The following HEMK2 variants were observed in gnomAD, a reference collection of about 807,000 sequenced individuals.
HEMK2 encodes the protein methyltransferase HEMK2.
the HEMK2 span, among the ~76,000 whole-genome samples, chr21:28,633,268 T>C: frequency 2.0e-5 from 3 of 152,176 alleles, no homozygotes; most frequent in South Asian, 2.1e-4. Context: ...CTAGTGTGCA[T>C]AGTCACAAAG....
the HEMK2 span, among the ~76,000 whole-genome samples, chr21:28,700,106 C>T: frequency 3.3e-5 from 5 of 152,172 alleles, no homozygotes; most frequent in African/African-American, 1.2e-4. Flanking sequence ...GAAATGCATC[C>T]CCAGGGTGTC....
At chr21:28,800,479 T>C in the HEMK2 span, among the ~76,000 whole-genome samples, 1 of 152,188 alleles carries the variant, frequency 6.6e-6, no homozygotes, top group Non-Finnish European at 1.5e-5. Flanking sequence ...CCCATTATAT[T>C]AAAAGTGTAA....
chr21:28,628,264 A>G, the HEMK2 span, among the ~76,000 whole-genome samples: 3 of 152,250 alleles, frequency 2.0e-5, no homozygotes, highest in Non-Finnish European at 4.4e-5. Flanking sequence ...TGCTAACTTA[A>G]TAGTATTGAT....
the HEMK2 span, among the ~76,000 whole-genome samples, chr21:28,696,330 A>G: frequency 6.6e-6 from 1 of 152,226 alleles, no homozygotes; most frequent in Non-Finnish European, 1.5e-5. Flanking sequence ...AAATGAAAGA[A>G]GTTGGCCAAA....
the HEMK2 span, among the ~76,000 whole-genome samples, chr21:28,786,667 CAAA>C: frequency 2.2e-4 from 20 of 92,022 alleles, no homozygotes; most frequent in Admixed American, 3.7e-4. Context: ...GTGAGACTGT[CAAA>C]AAAAAAAAAA....
the HEMK2 span, among the ~76,000 whole-genome samples, chr21:28,576,103 A>T: frequency 6.6e-6 from 1 of 152,214 alleles, no homozygotes; most frequent in Non-Finnish European, 1.5e-5. Flanking sequence ...TAATATAAGT[A>T]CGTAGGAAAA....
the HEMK2 span, among the ~76,000 whole-genome samples, chr21:28,804,838 T>C: frequency 6.6e-6 from 1 of 152,224 alleles, no homozygotes; most frequent in Non-Finnish European, 1.5e-5. Flanking sequence ...AAAAGCAGCA[T>C]TCATTGAGTG....
the HEMK2 span, among the ~76,000 whole-genome samples, chr21:28,838,451 A>G: frequency 5.9e-5 from 9 of 151,724 alleles, no homozygotes; most frequent in South Asian, 1.9e-3. Context: ...GGAGAATGGC[A>G]TGAACCCAGG....
the HEMK2 span, among the ~76,000 whole-genome samples, chr21:28,730,006 C>T: frequency 1.3e-5 from 2 of 152,134 alleles, no homozygotes; most frequent in Non-Finnish European, 2.9e-5. Flanking sequence ...AGACTGAACA[C>T]GAGATTAGCC....
chr21:28,832,657 C>T, the HEMK2 span, among the ~76,000 whole-genome samples: 1 of 152,190 alleles, frequency 6.6e-6, no homozygotes, highest in Non-Finnish European at 1.5e-5. Flanking sequence ...ACCATTAACT[C>T]TCCCATTCTC....
chr21:28,576,252 G>A, the HEMK2 span, among the ~76,000 whole-genome samples: 7 of 152,146 alleles, frequency 4.6e-5, no homozygotes, highest in African/African-American at 1.2e-4. Context: ...CAACAGTACT[G>A]TCAGCCCTTT....
chr21:28,865,887 G>C, the HEMK2 span, among the ~76,000 whole-genome samples: 685 of 152,014 alleles, frequency 4.5e-3, 3 homozygotes, highest in African/African-American at 0.015. Flanking sequence ...ACTGTTTCAG[G>C]CTTCCAAAAT....
At chr21:28,765,554 T>A in the HEMK2 span, among the ~76,000 whole-genome samples, 8 of 152,160 alleles carry the variant, frequency 5.3e-5, no homozygotes, top group Non-Finnish European at 1.0e-4. Flanking sequence ...TTTAAACCAA[T>A]AAACCATGTG....
the HEMK2 span, among the ~76,000 whole-genome samples, chr21:28,818,091 T>C: frequency 1.3e-5 from 2 of 151,856 alleles, no homozygotes; most frequent in Non-Finnish European, 2.9e-5. Flanking sequence ...TTTGAGTCAG[T>C]AGACTTGGGA....
the HEMK2 span, among the ~76,000 whole-genome samples, chr21:28,784,079 G>A: frequency 3.3e-5 from 5 of 152,140 alleles, no homozygotes; most frequent in Admixed American, 6.5e-5. Context: ...CCTCCCCGAC[G>A]AGCGCCATCC....
At chr21:28,705,444 T>C in the HEMK2 span, among the ~76,000 whole-genome samples, 8 of 150,120 alleles carry the variant, frequency 5.3e-5, no homozygotes, top group African/African-American at 2.0e-4. Context: ...TAGGTTCCCA[T>C]GTGTTCCTCA....
At chr21:28,666,621 A>G in the HEMK2 span, among the ~76,000 whole-genome samples, 1 of 152,192 alleles carries the variant, frequency 6.6e-6, no homozygotes, top group Non-Finnish European at 1.5e-5. Flanking sequence ...CCACTTAATC[A>G]TTAATAACAG....
At chr21:28,885,238 C>A in the HEMK2 span, 3 of 1,586,492 alleles carry the variant, frequency 1.9e-6, no homozygotes, top group Non-Finnish European at 2.6e-6. Flanking sequence ...CCGCTGCCTC[C>A]AGCGCGTCCA....
chr21:28,721,137 A>G, the HEMK2 span, among the ~76,000 whole-genome samples: 1 of 152,150 alleles, frequency 6.6e-6, no homozygotes, highest in Non-Finnish European at 1.5e-5. Flanking sequence ...ATTTTTTGAG[A>G]CAGGATTTTG....
Sources: allele counts gnomAD v4.1 joint callset (sites outside exome capture counted in the v4.1 genomes callset), GRCh38; gene constraint gnomAD v4.1.1; transcripts MANE v1.5; gene names NCBI Gene and HGNC (gene_info 2026-07-23, HGNC 2026-07-21).